The following DGCR2 variants were observed in gnomAD, a reference collection of about 807,000 sequenced individuals.
The protein encoded by DGCR2 is integral membrane protein DGCR2/IDD.
A neutral mutation model predicts 51.6 loss-of-function variants in DGCR2; 24 were observed. That is an observed-to-expected ratio of 0.47 (90% CI 0.34 to 0.65). The LOEUF (loss-of-function observed/expected upper bound fraction) is 0.65. Among genes scored for constraint, DGCR2 ranks in the 30% least tolerant of loss-of-function variants. The pLI, the probability that DGCR2 is intolerant of heterozygous loss-of-function variation, is 0.01. For synonymous variants in DGCR2, 340 were observed against 315.4 expected (o/e 1.08, Z -0.82); for missense variants, 765 against 772.1 (o/e 0.99, Z 0.11).
chr22:19,068,908 G>C (rs1569059341), intron 2 of DGCR2, among the ~76,000 whole-genome samples: 2 of 152,240 alleles, frequency 1.3e-5, no homozygotes, highest in East Asian at 1.9e-4. Context: ...TTGCACACCA[G>C]TGCTTCCACC....
chr22:19,038,847 G>C lies in DGCR2; in HGVS notation c.*18C>G. On this transcript the variant is annotated 3_prime_UTR_variant, in exon 10 of 10. Transcript: ENST00000263196. ...ACAGACAGGTGCTCCCAGACCGTTGGGGTACAGGCCAGGCCGTCTACACCA... is the reference window on the plus strand; with the variant it reads ...ACAGACAGGTGCTCCCAGACCGTTGCGGTACAGGCCAGGCCGTCTACACCA... The C allele has an allele frequency of 6.2e-7, 1 of 1,606,792 alleles. No homozygotes were observed. Among genetic ancestry groups the C allele is most frequent in the South Asian group, 1.1e-5 (1 of 90,610 alleles).
At chr22:19,063,133 G>C in intron 5 of DGCR2, 69 bp downstream of exon 5, 1 of 1,443,198 alleles carries the variant, frequency 6.9e-7, no homozygotes, top group Non-Finnish European at 9.7e-7. Context: ...GTAAGAGGGA[G>C]GAGGGGAGGC....
chr22:19,053,150 G>T (rs867527983), intron 6 of DGCR2, among the ~76,000 whole-genome samples: 1 of 152,172 alleles, frequency 6.6e-6, no homozygotes, highest in South Asian at 2.1e-4. Context: ...AGCCTTTAGG[G>T]CCCTGGTGAA....
chr22:19,083,022 G>A (rs2082958404), intron 2 of DGCR2, among the ~76,000 whole-genome samples: 1 of 151,554 alleles, frequency 6.6e-6, no homozygotes, highest in South Asian at 2.1e-4. Context: ...AGGAGGCGGA[G>A]GTTGCAGTGA....
chr22:19,100,383 C>G (rs1164081697), intron 1 of DGCR2, among the ~76,000 whole-genome samples: 1 of 152,208 alleles, frequency 6.6e-6, no homozygotes, highest in Non-Finnish European at 1.5e-5. Context: ...AGGCCAGCTC[C>G]TCTTAGCCAA....
chr22:19,096,464 TAAC>T lies in DGCR2; in HGVS notation c.80-6977_80-6975del, dbSNP rs2083140834. On this transcript the variant is annotated intron_variant, in intron 1 of 9. Transcript: ENST00000263196. The stretch of plus-strand genomic sequence containing the variant: ...TAAATGAGTAGAATCAGAATGTTCC[TAAC>T]ACAAGAAAAGTTACAAATGCTTGAA... Among the ~76,000 whole-genome samples, 4 of 152,224 alleles carry T rather than the reference TAAC, an allele frequency of 2.6e-5. No homozygotes were observed. The Middle Eastern group carries it at 0.01, about 388-fold the overall frequency.
intron 2 of DGCR2, among the ~76,000 whole-genome samples, chr22:19,079,843 T>A (rs2082916890): frequency 6.6e-6 from 1 of 152,214 alleles, no homozygotes; most frequent in Non-Finnish European, 1.5e-5. Context: ...GCCCTTCTGG[T>A]CTGGTGTGCT....
At chr22:19,085,641 G>C (rs539374603) in intron 2 of DGCR2, among the ~76,000 whole-genome samples, 1 of 152,196 alleles carries the variant, frequency 6.6e-6, no homozygotes, top group African/African-American at 2.4e-5. Context: ...GAATGCCCAG[G>C]CTGTACCTAG....
chr22:19,105,598 G>A (rs375129440), intron 1 of DGCR2, among the ~76,000 whole-genome samples: 1 of 152,184 alleles, frequency 6.6e-6, no homozygotes, highest in Non-Finnish European at 1.5e-5. Context: ...ACTGTACTCC[G>A]GGGCCCCAGA....
At chr22:19,073,978 C>A (rs1363709103) in intron 2 of DGCR2, among the ~76,000 whole-genome samples, 1 of 152,040 alleles carries the variant, frequency 6.6e-6, no homozygotes, top group African/African-American at 2.4e-5. Context: ...CCACCAGGGG[C>A]GTCTGGGAAA....
chr22:19,062,776 C>CTG (rs1555903878), intron 5 of DGCR2, among the ~76,000 whole-genome samples: 20 of 123,304 alleles, frequency 1.6e-4, no homozygotes, highest in Non-Finnish European at 2.1e-4. Flanking sequence ...CACATGCATG[C>CTG]TCACTCTCTC....
intron 2 of DGCR2, among the ~76,000 whole-genome samples, chr22:19,086,760 T>A (rs2158334): frequency 2.6e-5 from 4 of 152,162 alleles, no homozygotes; most frequent in African/African-American, 9.7e-5. Flanking sequence ...AGGGAAAACA[T>A]ATGGCAACCA....
chr22:19,073,465 T>C (rs185087303), intron 2 of DGCR2, among the ~76,000 whole-genome samples: 43 of 152,024 alleles, frequency 2.8e-4, no homozygotes, highest in African/African-American at 9.2e-4. Context: ...GAAAACAGAA[T>C]AGAACAGAGA....
At chr22:19,078,051 A>T (rs2082898367) in intron 2 of DGCR2, among the ~76,000 whole-genome samples, 1 of 152,000 alleles carries the variant, frequency 6.6e-6, no homozygotes, top group Non-Finnish European at 1.5e-5. Context: ...CTGGTCCTGA[A>T]CTCCTGACCT....
chr22:19,059,694 G>A (rs2107298), intron 5 of DGCR2, among the ~76,000 whole-genome samples: 10 of 152,102 alleles, frequency 6.6e-5, no homozygotes, highest in South Asian at 2.1e-4. Context: ...GTCCACACAT[G>A]AGGTGTGCGC....
intron 7 of DGCR2, among the ~76,000 whole-genome samples, chr22:19,044,510 C>A (rs888819486): frequency 2.6e-5 from 4 of 152,214 alleles, no homozygotes; most frequent in Non-Finnish European, 4.4e-5. Context: ...AATGTGGGCT[C>A]TGTGCCTGGC....
chr22:19,054,444 A>C (rs556134294), intron 6 of DGCR2, among the ~76,000 whole-genome samples: 1 of 152,380 alleles, frequency 6.6e-6, no homozygotes, highest in South Asian at 2.1e-4. Flanking sequence ...AAGTTACAGA[A>C]GTCTCCCTCG....
intron 5 of DGCR2, among the ~76,000 whole-genome samples, 167 bp downstream of exon 5, chr22:19,063,035 G>A (rs1328477730): frequency 6.6e-6 from 1 of 152,142 alleles, no homozygotes; most frequent in Non-Finnish European, 1.5e-5. Flanking sequence ...TGATCTGCAG[G>A]CTGCACTGGC....
At chr22:19,115,015 G>T (rs891515036) in intron 1 of DGCR2, among the ~76,000 whole-genome samples, 1 of 152,196 alleles carries the variant, frequency 6.6e-6, no homozygotes, top group African/African-American at 2.4e-5. Flanking sequence ...ACCTGTAGGG[G>T]ACAAGGGCAC....
Sources: allele counts gnomAD v4.1 joint callset (sites outside exome capture counted in the v4.1 genomes callset), GRCh38; gene constraint gnomAD v4.1.1; transcripts MANE v1.5; gene names NCBI Gene and HGNC (gene_info 2026-07-23, HGNC 2026-07-21).